The following STK3 variants were observed in gnomAD, a reference collection of about 807,000 sequenced individuals.
STK3 encodes serine/threonine kinase 3.
STK3 carries 41 observed loss-of-function variants against 58.0 expected under a neutral mutation model. The ratio of observed to expected loss-of-function variants is 0.71; its 90% CI spans 0.55 to 0.92. The LOEUF (loss-of-function observed/expected upper bound fraction) is 0.92, where lower values mean the gene tolerates loss of function less well. Ranked by LOEUF, STK3 falls within the 40% of genes least tolerant of loss-of-function variation. STK3 has a pLI of 0.00. For missense variants in STK3, 479 were observed against 602.7 expected (o/e 0.79, Z 2.15); for synonymous variants, 170 against 191.0 (o/e 0.89, Z 0.91).
chr8:98,413,720 T>A, intron 3 of STK3: 1 of 888,646 alleles, frequency 1.1e-6, no homozygotes, highest in Non-Finnish European at 1.9e-6. Flanking sequence ...TTCTTTTCTG[T>A]TGAAGAGTTG....
Position 98,725,963 on chromosome 8 carries a change from C to G in STK3, c.352-18652G>C, listed in dbSNP as rs530721849. Among the ~76,000 whole-genome samples, 7 of 152,138 alleles carry G rather than the reference C, an allele frequency of 4.6e-5. No homozygotes were observed. The South Asian group carries it at 8.3e-4, about 18-fold the overall frequency. On this transcript the variant is annotated intron_variant, in intron 4 of 10. Coordinates refer to ENST00000419617, the MANE Select transcript of STK3 (RefSeq NM_006281.4). ...GGTCACAGAGCTAATAAGTAACAAC[C>G]CAAGCACTGAAGCTTGGTCTTCCTG...
At chr8:98,753,673 A>G (rs1233804570) in intron 3 of STK3, among the ~76,000 whole-genome samples, 1 of 152,122 alleles carries the variant, frequency 6.6e-6, no homozygotes, top group Non-Finnish European at 1.5e-5. Context: ...TCAGTCATCT[A>G]AAAAACAAAA....
chr8:98,721,244 G>T, intron 4 of STK3: 1 of 382,766 alleles, frequency 2.6e-6, no homozygotes, highest in Non-Finnish European at 3.6e-6. Flanking sequence ...AAATCACTAA[G>T]CAGGAAAGAT....
chr8:98,614,990 G>A (rs553378805), intron 6 of STK3, among the ~76,000 whole-genome samples: 1 of 152,238 alleles, frequency 6.6e-6, no homozygotes. Flanking sequence ...GCCTCTGTAA[G>A]CTCCACGTCT....
At chr8:98,637,126 T>C (rs1174281194) in intron 6 of STK3, among the ~76,000 whole-genome samples, 47 of 151,988 alleles carry the variant, frequency 3.1e-4, no homozygotes, top group Admixed American at 3.0e-3. Flanking sequence ...CCAATGTTTT[T>C]TTACAGAGGA....
chr8:98,617,232 A>C (rs1478675960), intron 6 of STK3, among the ~76,000 whole-genome samples: 15 of 150,028 alleles, frequency 1.0e-4, no homozygotes, highest in East Asian at 1.9e-4. Context: ...TAACGAAATG[A>C]AGGCAGAAAT....
intron 10 of STK3, among the ~76,000 whole-genome samples, chr8:98,522,139 A>T (rs1231051052): frequency 6.6e-6 from 1 of 152,206 alleles, no homozygotes; most frequent in African/African-American, 2.4e-5. Context: ...AGTTACTTTC[A>T]GGAGTTAGCC....
intron 3 of STK3, among the ~76,000 whole-genome samples, chr8:98,395,590 T>G (rs540469553): frequency 6.6e-6 from 1 of 152,364 alleles, no homozygotes; most frequent in Admixed American, 6.5e-5. Flanking sequence ...CTATTATTCA[T>G]TATTTTGGCT....
At chr8:98,585,254 T>C (rs1476119613) in intron 7 of STK3, among the ~76,000 whole-genome samples, 3 of 152,196 alleles carry the variant, frequency 2.0e-5, no homozygotes, top group African/African-American at 7.2e-5. Context: ...CTTTAATCCA[T>C]CTTGAATTAA....
At chr8:98,905,506 G>A in intron 1 of STK3, 1 of 1,138,244 alleles carries the variant, frequency 8.8e-7, no homozygotes, top group Non-Finnish European at 1.3e-6. Flanking sequence ...TTGTAATGAT[G>A]CAAGTTGTGT....
chr8:98,455,965 C>T lies in STK3; in HGVS notation c.1353G>A (p.Arg451=). ...CCATCATGGGGTCCAGTGCTTTTAA[C>T]CGCATCTGTAGTTCTTCTAAACTTA... ...KNLSLEELQM[R]LKALDPMMER... is the part of the protein sequence containing the mutation. The change falls in exon 11 of 11, where the codon CGG becomes CGA. Residue 451 remains arginine (R), a synonymous_variant. Transcript: ENST00000419617. The T allele has an allele frequency of 6.2e-7, 1 of 1,612,304 alleles. No individual in the cohort carries two copies. Among genetic ancestry groups the T allele is most frequent in the East Asian group, 2.2e-5 (1 of 44,844 alleles).
At chr8:98,796,912 T>G (rs545027371) in intron 1 of STK3, among the ~76,000 whole-genome samples, 1 of 152,332 alleles carries the variant, frequency 6.6e-6, no homozygotes, top group African/African-American at 2.4e-5. Context: ...ATATACCATT[T>G]GTACCAGTCA....
chr8:98,597,713 T>C (rs776312075), intron 6 of STK3: 11 of 985,266 alleles, frequency 1.1e-5, no homozygotes, highest in Non-Finnish European at 1.3e-5. Context: ...CTCAATTATC[T>C]ACTTTATGTG....
At chr8:98,410,920 T>C (rs1586551775) in intron 3 of STK3, among the ~76,000 whole-genome samples, 1 of 152,350 alleles carries the variant, frequency 6.6e-6, no homozygotes, top group East Asian at 1.9e-4. Context: ...GTCCTAAGAC[T>C]GGGAATATAA....
At chr8:98,344,240 T>G in the STK3 span, among the ~76,000 whole-genome samples, 1 of 152,220 alleles carries the variant, frequency 6.6e-6, no homozygotes, top group African/African-American at 2.4e-5. Flanking sequence ...CTTAGGAAGG[T>G]ACTGTTTTCA....
intron 6 of STK3, among the ~76,000 whole-genome samples, chr8:98,631,110 G>A (rs958767319): frequency 3.9e-5 from 6 of 151,956 alleles, no homozygotes; most frequent in Non-Finnish European, 7.4e-5. Flanking sequence ...TACTACCCTG[G>A]TTCAGGCCGC....
intron 3 of STK3, among the ~76,000 whole-genome samples, chr8:98,856,200 C>G (rs1836671218): frequency 6.8e-6 from 1 of 148,004 alleles, no homozygotes; most frequent in African/African-American, 2.5e-5. Context: ...ATGGCAGGTG[C>G]CTGTAATCCC....
chr8:98,914,896 G>A (rs1839285780), intron 1 of STK3, among the ~76,000 whole-genome samples: 1 of 152,150 alleles, frequency 6.6e-6, no homozygotes, highest in Admixed American at 6.5e-5. Context: ...CAAGTATCCA[G>A]GACTACATTT....
intron 1 of STK3, among the ~76,000 whole-genome samples, chr8:98,915,286 TC>T: frequency 6.6e-6 from 1 of 151,824 alleles, no homozygotes; most frequent in Non-Finnish European, 1.5e-5. Flanking sequence ...TATATCTTTC[TC>T]CCATGCTGGA....
Sources: allele counts gnomAD v4.1 joint callset (sites outside exome capture counted in the v4.1 genomes callset), GRCh38; gene constraint gnomAD v4.1.1; transcripts MANE v1.5; gene names NCBI Gene and HGNC (gene_info 2026-07-23, HGNC 2026-07-21).